The following SCMH1 variants were observed in gnomAD, a reference collection of about 807,000 sequenced individuals.
SCMH1 encodes polycomb protein SCMH1.
In SCMH1, 37 loss-of-function variants were observed where a neutral mutation model predicts 70.8. The ratio of observed to expected loss-of-function variants is 0.52; its 90% CI spans 0.40 to 0.69. The LOEUF (loss-of-function observed/expected upper bound fraction) is 0.69. SCMH1 is among the 30% of genes least tolerant of loss of function. SCMH1 has a pLI of 0.00. For synonymous variants in SCMH1, 292 were observed against 307.4 expected, an observed-to-expected ratio of 0.95 and a Z score of 0.52; for missense variants, 607 against 827.3, an observed-to-expected ratio of 0.73 and a Z score of 3.27.
chr1:41,081,270 T>C lies in SCMH1; in HGVS notation c.746-5819A>G, dbSNP rs115011857. Among the ~76,000 whole-genome samples the C allele has an allele frequency of 6.9e-3, 1,051 of 152,344 alleles. 5 individuals are homozygous for C. Among genetic ancestry groups the C allele is most frequent in the African/African-American group, 0.018 (746 of 41,580 alleles). On this transcript the variant is annotated intron_variant, in intron 8 of 14. Transcript: ENST00000337495. The stretch of plus-strand genomic sequence containing the variant: ...GCCATGAAGGGATATGTTACATTCA[T>C]AGATTGAAAGCATCACCACTGTTAG...
At chr1:41,134,450 A>G (rs1642940090) in intron 6 of SCMH1, among the ~76,000 whole-genome samples, 1 of 152,200 alleles carries the variant, frequency 6.6e-6, no homozygotes, top group African/African-American at 2.4e-5. Context: ...CAGGCAAGAG[A>G]AAGAAATAAA....
At chr1:41,148,258 A>T (rs1644764393) in intron 5 of SCMH1, among the ~76,000 whole-genome samples, 1 of 152,202 alleles carries the variant, frequency 6.6e-6, no homozygotes, top group African/African-American at 2.4e-5. Flanking sequence ...ATATACGGTT[A>T]TTGTCTACAC....
intron 7 of SCMH1, among the ~76,000 whole-genome samples, chr1:41,115,321 A>C (rs1440248376): frequency 2.0e-5 from 3 of 152,146 alleles, no homozygotes; most frequent in African/African-American, 7.2e-5. Context: ...ATTTTGTCAA[A>C]TTTTGCTCTA....
At chr1:41,106,461 C>T (rs1225364275) in intron 8 of SCMH1, among the ~76,000 whole-genome samples, 1 of 151,782 alleles carries the variant, frequency 6.6e-6, no homozygotes, top group Non-Finnish European at 1.5e-5. Context: ...CGTGTTTATA[C>T]AGCCTGCAGA....
chr1:41,051,228 T>A (rs996216232), intron 10 of SCMH1, among the ~76,000 whole-genome samples: 4 of 152,210 alleles, frequency 2.6e-5, no homozygotes, highest in African/African-American at 9.6e-5. Context: ...GCACAATGCA[T>A]TACTCATGTG....
intron 1 of SCMH1, among the ~76,000 whole-genome samples, chr1:41,202,318 G>A (rs1654546344): frequency 6.6e-6 from 1 of 151,254 alleles, no homozygotes; most frequent in African/African-American, 2.4e-5. Context: ...ACAGGCATGA[G>A]CCAACGTGCC....
At chr1:41,205,190 G>A (rs769843544) in intron 1 of SCMH1, among the ~76,000 whole-genome samples, 10 of 152,168 alleles carry the variant, frequency 6.6e-5, no homozygotes, top group Non-Finnish European at 1.3e-4. Context: ...ATTGGGACTG[G>A]TTGGACAGTG....
intron 4 of SCMH1, among the ~76,000 whole-genome samples, chr1:41,157,702 T>G (rs140764995): frequency 0.015 from 2,330 of 152,332 alleles, 31 homozygotes; most frequent in Non-Finnish European, 0.021. Flanking sequence ...CATGGCTTTC[T>G]TGGTCCCATA....
intron 12 of SCMH1, among the ~76,000 whole-genome samples, chr1:41,039,390 C>T (rs560504186): frequency 5.2e-4 from 79 of 152,146 alleles, no homozygotes; most frequent in Non-Finnish European, 9.3e-4. Context: ...GCATCATGCT[C>T]CAAAGCTCTG....
intron 9 of SCMH1, among the ~76,000 whole-genome samples, chr1:41,074,664 C>T (rs1657642588): frequency 6.6e-6 from 1 of 152,164 alleles, no homozygotes; most frequent in African/African-American, 2.4e-5. Context: ...ACCAGAATCT[C>T]CTCAAATATG....
At chr1:41,133,414 G>A (rs1642708027) in intron 6 of SCMH1, among the ~76,000 whole-genome samples, 1 of 152,128 alleles carries the variant, frequency 6.6e-6, no homozygotes, top group African/African-American at 2.4e-5. Flanking sequence ...AAAGTTAGCA[G>A]AAGACAAGAA....
chr1:41,224,808 C>A (rs1659945811), intron 1 of SCMH1, among the ~76,000 whole-genome samples: 1 of 152,128 alleles, frequency 6.6e-6, no homozygotes, highest in African/African-American at 2.4e-5. Context: ...CTTCATTTGG[C>A]CCTCACAATT....
intron 5 of SCMH1, among the ~76,000 whole-genome samples, chr1:41,149,210 C>G (rs1644851883): frequency 6.6e-6 from 1 of 152,146 alleles, no homozygotes; most frequent in African/African-American, 2.4e-5. Context: ...GAAGTTAACC[C>G]ATAGTTCACA....
chr1:41,172,191 A>AG, intron 2 of SCMH1, among the ~76,000 whole-genome samples: 1 of 152,038 alleles, frequency 6.6e-6, no homozygotes, highest in East Asian at 1.9e-4. Flanking sequence ...TCTCAAAAAA[A>AG]AAAAAAAAAA....
chr1:41,172,922 T>C (rs1646881344), intron 2 of SCMH1, among the ~76,000 whole-genome samples: 1 of 152,118 alleles, frequency 6.6e-6, no homozygotes, highest in Admixed American at 6.6e-5. Context: ...CCTCTCATCA[T>C]GTACAAAAAT....
At chr1:41,176,592 C>G (rs954489902) in intron 2 of SCMH1, among the ~76,000 whole-genome samples, 4 of 152,310 alleles carry the variant, frequency 2.6e-5, no homozygotes, top group African/African-American at 7.2e-5. Context: ...AACGGCACAC[C>G]AGGAGATTAT....
intron 13 of SCMH1, 97 bp from the exon 15 acceptor site, chr1:41,028,823 C>G: frequency 7.4e-7 from 1 of 1,349,436 alleles, no homozygotes; most frequent in Non-Finnish European, 1.0e-6. Context: ...CTAGGTGATG[C>G]TCACAGTAGT....
chr1:41,107,379 G>T (rs1668214764), intron 8 of SCMH1, among the ~76,000 whole-genome samples: 2 of 151,884 alleles, frequency 1.3e-5, no homozygotes, highest in African/African-American at 4.9e-5. Flanking sequence ...ACTTAATCAT[G>T]ACTTGATAGT....
intron 8 of SCMH1, among the ~76,000 whole-genome samples, chr1:41,108,098 T>C (rs1319698850): frequency 1.3e-5 from 2 of 152,114 alleles, no homozygotes; most frequent in Non-Finnish European, 2.9e-5. Flanking sequence ...AAGGGTAGAC[T>C]GAGAGGGTAA....
Sources: allele counts gnomAD v4.1 joint callset (sites outside exome capture counted in the v4.1 genomes callset), GRCh38; gene constraint gnomAD v4.1.1; transcripts MANE v1.5; gene names NCBI Gene and HGNC (gene_info 2026-07-23, HGNC 2026-07-21).